CCDC69: variants seen among roughly 807,000 people sequenced by gnomAD.
CCDC69 encodes the protein coiled-coil domain-containing protein 69.
Under a neutral mutation model 40.3 loss-of-function variants are expected in CCDC69, and 38 were observed. The ratio of observed to expected loss-of-function variants is 0.94; its 90% CI spans 0.73 to 1.24. The LOEUF (loss-of-function observed/expected upper bound fraction) is 1.24, where lower values mean the gene tolerates loss of function less well. CCDC69 is among the 50% of genes most tolerant of loss of function. CCDC69 has a pLI of 0.00. For synonymous variants in CCDC69, 141 were observed against 138.9 expected, an observed-to-expected ratio of 1.02 and a Z score of -0.11; for missense variants, 389 against 357.9, an observed-to-expected ratio of 1.09 and a Z score of -0.70.
At position 151,182,051 on chromosome 5, in the gene CCDC69, T is replaced by G. The variant is rs959576566; in HGVS notation, c.*1386A>C. 1 of 152,238 alleles carries G rather than the reference T, an allele frequency of 6.6e-6. No individual in the cohort carries two copies. The highest frequency in any genetic ancestry group is 6.5e-5 in the Admixed American group (1 of 15,280). 9.4% of individuals were successfully genotyped at this position (152,238 alleles called of 1,614,324 possible). ...AGAATGACTGATGAAAAATGCAGAT[T>G]GACTGTTCTGACGCTGGCTTAGGGC... is the stretch of plus-strand genomic sequence containing the variant. On this transcript the variant is annotated 3_prime_UTR_variant, in exon 9 of 9. Transcript: ENST00000355417.
chr5:151,194,043 A>G (rs1361506369), intron 4 of CCDC69, among the ~76,000 whole-genome samples: 2 of 152,258 alleles, frequency 1.3e-5, no homozygotes, highest in Non-Finnish European at 1.5e-5. Flanking sequence ...AACAGCTAAA[A>G]TAAAAAACCA....
intron 4 of CCDC69, among the ~76,000 whole-genome samples, chr5:151,196,051 A>T (rs147319808): frequency 3.3e-5 from 5 of 152,384 alleles, no homozygotes; most frequent in African/African-American, 1.2e-4. Context: ...TAAACATTTT[A>T]GTAGCAGCAT....
chr5:151,202,957 C>A (rs1411078485), intron 2 of CCDC69, among the ~76,000 whole-genome samples: 1 of 152,110 alleles, frequency 6.6e-6, no homozygotes. Flanking sequence ...GGACTGAGAG[C>A]TTACCATGCC....
Position 151,183,420 on chromosome 5 carries a change from G to C in CCDC69, c.*17C>G. On this transcript the variant is annotated 3_prime_UTR_variant, in exon 9 of 9. Transcript: ENST00000355417. Reference sequence around the variant, plus strand: ...AGCTGTGACTTCAGGCGTCGTGGTGGGCCCAGGCCCTGCACCCTATGTGGC... The same window carrying C: ...AGCTGTGACTTCAGGCGTCGTGGTGCGCCCAGGCCCTGCACCCTATGTGGC... The C allele has an allele frequency of 1.3e-6, 2 of 1,593,904 alleles. No homozygotes were observed. The highest frequency in any genetic ancestry group is 1.7e-6 in the Non-Finnish European group (2 of 1,171,890).
rs1387711091 is a variant in CCDC69 at position 151,198,999 on chromosome 5, T to G, written c.317A>C (p.Gln106Pro). 1 of 1,613,596 alleles carries G rather than the reference T, an allele frequency of 6.2e-7. No homozygotes were observed. The highest frequency in any genetic ancestry group is 1.1e-5 in the South Asian group (1 of 91,072). Residue 106 changes from glutamine to proline, a missense_variant and splice_region_variant, in exon 4 of 9, where the codon CAA (glutamine) becomes CCA (proline). By Grantham distance (76) the Gln-to-Pro change is moderately conservative (BLOSUM62 -1). Coordinates refer to ENST00000355417, the MANE Select transcript of CCDC69 (RefSeq NM_015621.3). ...VLEGKNEEAL[Q>P]VLRASYEQEK... ...CAGTGGAACATCTCTACCCTTACCT[T>G]GCAGGGCCTCTTCATTCTTTCCTTC...
chr5:151,186,270 T>G lies in CCDC69; in HGVS notation c.394-146A>C. 13 of 654,048 alleles carry G rather than the reference T, an allele frequency of 2.0e-5. No homozygotes were observed. In the East Asian group the frequency reaches 2.4e-4, roughly 12 times the overall value. The allele number at this position is 654,048 out of a possible 1,614,324, so 40.5% of individuals were successfully genotyped here. ...CATGACAATGCAACATCAACATACTTCGACCACTGCTTGAGATCTACCAGC... is the reference window on the plus strand; with the variant it reads ...CATGACAATGCAACATCAACATACTGCGACCACTGCTTGAGATCTACCAGC... On this transcript the variant is annotated intron_variant, in intron 5 of 8. Transcript: ENST00000355417.
At chr5:151,207,270 G>GA (rs1752865995) in intron 1 of CCDC69, among the ~76,000 whole-genome samples, 1 of 150,664 alleles carries the variant, frequency 6.6e-6, no homozygotes, top group South Asian at 2.1e-4. Flanking sequence ...TGAGGATGCT[G>GA]AAAAAAACTA....
intron 4 of CCDC69, among the ~76,000 whole-genome samples, chr5:151,197,691 A>C (rs1220864975): frequency 2.0e-5 from 3 of 152,246 alleles, no homozygotes; most frequent in African/African-American, 4.8e-5. Context: ...GATATACATA[A>C]ACTTTACCAC....
intron 2 of CCDC69, among the ~76,000 whole-genome samples, chr5:151,203,153 T>C (rs753433628): frequency 2.0e-4 from 31 of 152,108 alleles, no homozygotes; most frequent in Non-Finnish European, 4.0e-4. Flanking sequence ...GATATGAACC[T>C]ACACAATCTG....
chr5:151,205,587 C>T, intron 1 of CCDC69, 112 bp from the exon 2 acceptor site: 1 of 848,920 alleles, frequency 1.2e-6, no homozygotes. Context: ...TCAGTTACAC[C>T]AGACCCTGCC....
At chr5:151,185,339 C>T in intron 7 of CCDC69, 83 bp downstream of exon 7, 1 of 1,509,478 alleles carries the variant, frequency 6.6e-7, no homozygotes, top group Non-Finnish European at 9.1e-7. Flanking sequence ...CTCAAACCAC[C>T]TCCCCTCTGC....
intron 2 of CCDC69, among the ~76,000 whole-genome samples, chr5:151,205,164 T>C (rs1356926729): frequency 6.6e-6 from 1 of 152,132 alleles, no homozygotes; most frequent in African/African-American, 2.4e-5. Flanking sequence ...TGGATTCCTC[T>C]AAAAATGTAT....
chr5:151,222,908 G>A (rs976186945), intron 1 of CCDC69, among the ~76,000 whole-genome samples: 3 of 152,164 alleles, frequency 2.0e-5, no homozygotes, highest in Non-Finnish European at 4.4e-5. Context: ...TGTACTCAGG[G>A]CACAAGCAAA....
At chr5:151,201,502 C>A (rs1317929544) in intron 3 of CCDC69, 80 bp downstream of exon 3, 1 of 895,946 alleles carries the variant, frequency 1.1e-6, no homozygotes, top group East Asian at 2.5e-5. Flanking sequence ...CAACAAAAAC[C>A]TAAGGTAGGC....
At chr5:151,193,084 G>A (rs745786866) in intron 4 of CCDC69, among the ~76,000 whole-genome samples, 9 of 151,986 alleles carry the variant, frequency 5.9e-5, no homozygotes, top group East Asian at 3.8e-4. Flanking sequence ...CAAATAATAC[G>A]CCATTTTATA....
Position 151,183,586 on chromosome 5 carries a change from G to A in CCDC69, c.742C>T (p.Arg248Cys), listed in dbSNP as rs151212037. Reference protein sequence around the residue: ...RQLSEDLLLTREALEKEVQLR... With the variant: ...RQLSEDLLLTCEALEKEVQLR... ...TGCACCTCCTTCTCCAGGGCCTCAC[G>A]CGTGAGAAGCAGGTCTTCTGACAGC... The change falls in exon 9 of 9, where the codon CGT (arginine) becomes TGT (cysteine). Residue 248 changes from arginine (R) to cysteine (C), a missense_variant. By Grantham distance (180) the Arg-to-Cys change is radical. Transcript: ENST00000355417. 4.5e-5 allele frequency: 72 copies of A among 1,612,018 alleles called. No individual in the cohort carries two copies. The highest frequency in any genetic ancestry group is 8.9e-5 in the East Asian group (4 of 44,836).
chr5:151,192,087 G>GAAAAAAAAAAAAAAAAAGAAAGAAAAA (rs1752620504), intron 4 of CCDC69, among the ~76,000 whole-genome samples: 1 of 38,802 alleles, frequency 2.6e-5, no homozygotes, highest in Non-Finnish European at 4.2e-5. Context: ...CCTGTCTCAG[G>GAAAAAAAAAAAAAAAAAGAAAGAAAAA]AAAAAAAAAA....
At position 151,198,464 on chromosome 5, in the gene CCDC69, C is replaced by T. The variant is rs139318550; in HGVS notation, c.319+533G>A. On this transcript the variant is annotated intron_variant, in intron 4 of 8. Coordinates refer to ENST00000355417, the MANE Select transcript of CCDC69 (RefSeq NM_015621.3). ...TCCTGGGCTCAAGCAATCTATCCACCTTGGACTCTCAAAGTGCCAGGAATA... is the reference window on the plus strand; with the variant it reads ...TCCTGGGCTCAAGCAATCTATCCACTTTGGACTCTCAAAGTGCCAGGAATA... Among the ~76,000 whole-genome samples the T allele has an allele frequency of 4.6e-5, 7 of 152,324 alleles. No individual in the cohort carries two copies. In the East Asian group the frequency reaches 1.3e-3, roughly 29 times the overall value.
intron 4 of CCDC69, among the ~76,000 whole-genome samples, chr5:151,198,358 G>A (rs1280630237): frequency 6.6e-6 from 1 of 150,442 alleles, no homozygotes; most frequent in Non-Finnish European, 1.5e-5. Context: ...TACCAAACTG[G>A]AAAGTTTGAT....
Sources: allele counts gnomAD v4.1 joint callset (sites outside exome capture counted in the v4.1 genomes callset), GRCh38; gene constraint gnomAD v4.1.1; transcripts MANE v1.5; gene names NCBI Gene and HGNC (gene_info 2026-07-23, HGNC 2026-07-21).